RASGEF1A: variants seen among roughly 807,000 people sequenced by gnomAD.
The protein encoded by RASGEF1A is ras-GEF domain-containing family member 1A.
A neutral mutation model predicts 56.4 loss-of-function variants in RASGEF1A; 18 were observed. That is an observed-to-expected ratio of 0.32 (90% CI 0.22 to 0.47). RASGEF1A has a LOEUF of 0.47. Among genes scored for constraint, RASGEF1A ranks in the 20% least tolerant of loss-of-function variants. The pLI, the probability that RASGEF1A is intolerant of heterozygous loss-of-function variation, is 1.00. For missense variants in RASGEF1A, 422 were observed against 627.1 expected, an observed-to-expected ratio of 0.67 and a Z score of 3.49; for synonymous variants, 245 against 242.6, an observed-to-expected ratio of 1.01 and a Z score of -0.09.
chr10:43,209,265 C>T (rs542134651), intron 1 of RASGEF1A: 3 of 961,448 alleles, frequency 3.1e-6, no homozygotes, highest in Non-Finnish European at 3.7e-6. Flanking sequence ...CCAGTCACCC[C>T]CTATGCTCCC....
chr10:43,238,112 G>C (rs1840455879), intron 1 of RASGEF1A, among the ~76,000 whole-genome samples: 1 of 151,326 alleles, frequency 6.6e-6, no homozygotes, highest in Non-Finnish European at 1.5e-5. Context: ...GAGGGGGGGT[G>C]CTGCAGATTG....
At chr10:43,205,531 C>G (rs1254959) in intron 2 of RASGEF1A, among the ~76,000 whole-genome samples, 24,461 of 152,140 alleles carry the variant, frequency 0.16, 2,621 homozygotes, top group East Asian at 0.5. Flanking sequence ...GCTCCAGGAC[C>G]TCGGCTGGGC....
intron 1 of RASGEF1A, among the ~76,000 whole-genome samples, chr10:43,243,895 C>T (rs12254071): frequency 0.17 from 25,359 of 152,130 alleles, 2,722 homozygotes; most frequent in East Asian, 0.51. Context: ...GAAGAGACAG[C>T]GACCATCGAG....
At chr10:43,228,076 T>C (rs1840306019) in intron 1 of RASGEF1A, among the ~76,000 whole-genome samples, 2 of 151,988 alleles carry the variant, frequency 1.3e-5, no homozygotes, top group South Asian at 4.2e-4. Flanking sequence ...CACCTCCCAC[T>C]GCAGCCCCGT....
chr10:43,252,974 C>T (rs2505509), intron 1 of RASGEF1A, among the ~76,000 whole-genome samples: 42,448 of 152,106 alleles, frequency 0.28, 6,734 homozygotes, highest in Non-Finnish European at 0.35. Context: ...CACAGAGCAC[C>T]GCACCCCACG....
chr10:43,263,512 C>T (rs1474824524), intron 1 of RASGEF1A, among the ~76,000 whole-genome samples: 1 of 152,194 alleles, frequency 6.6e-6, no homozygotes, highest in African/African-American at 2.4e-5. Flanking sequence ...GAAGTGCCCA[C>T]CCTGGGCTGT....
intron 1 of RASGEF1A, among the ~76,000 whole-genome samples, chr10:43,234,576 G>A (rs767053759): frequency 6.6e-6 from 1 of 152,184 alleles, no homozygotes; most frequent in African/African-American, 2.4e-5. Flanking sequence ...ATGAGGCTCA[G>A]CCCACAAGGC....
intron 6 of RASGEF1A, 148 bp downstream of exon 6, chr10:43,200,034 G>C (rs577857260): frequency 1.5e-6 from 1 of 679,952 alleles, no homozygotes; most frequent in East Asian, 2.7e-5. Flanking sequence ...GGTGCTAGGA[G>C]GTCCAGTGCC....
At chr10:43,225,657 C>T (rs1325017843) in intron 1 of RASGEF1A, among the ~76,000 whole-genome samples, 1 of 152,052 alleles carries the variant, frequency 6.6e-6, no homozygotes, top group African/African-American at 2.4e-5. Context: ...AACACGATGT[C>T]CACAGTGGGC....
intron 3 of RASGEF1A, chr10:43,202,684 C>T (rs1342966308): frequency 4.4e-6 from 2 of 455,386 alleles, no homozygotes; most frequent in African/African-American, 4.2e-5. Flanking sequence ...CTGCAGCTTT[C>T]TTCGCCCACG....
At chr10:43,266,362 C>T (rs564627389) in intron 1 of RASGEF1A, among the ~76,000 whole-genome samples, 3 of 152,190 alleles carry the variant, frequency 2.0e-5, no homozygotes, top group Non-Finnish European at 4.4e-5. Flanking sequence ...CCCAATTCCT[C>T]GCCAAACAGC....
rs1013007893 is a variant in RASGEF1A, at chr10:43,265,582, G to T, written c.-7+1263C>A. On this transcript the variant is annotated intron_variant, in intron 1 of 12. Coordinates refer to ENST00000395810, the MANE Select transcript of RASGEF1A (RefSeq NM_145313.4). ...CCCTGCTCCGGATCTCCCCTTCCTG[G>T]GCTGGGGTCCTGAGGTTCCAAAGCA... is the stretch of plus-strand genomic sequence containing the variant. Among the ~76,000 whole-genome samples the T allele has an allele frequency of 5.9e-5, 9 of 152,238 alleles. 1 individual carries two copies. The highest frequency in any genetic ancestry group is 5.2e-4 in the Admixed American group (8 of 15,292).
rs1233165969 is a variant in RASGEF1A, at chr10:43,200,793, C to A, written c.555G>T (p.Lys185Asn). Residue 185 changes from lysine (K) to asparagine (N), a missense_variant, in exon 5 of 13, where the codon AAG becomes AAT. Transcript: ENST00000395810. ...ARSQLQELRE[K>N]LRPPAVDKGP... ...CCTTGTCTACAGCCGGTGGCCGGAG[C>A]TTCTCTCGCAGTTCCTGGAGCTGGC... 6.2e-7 allele frequency: 1 copy of A among 1,613,818 alleles called. No individual in the cohort carries two copies.
chr10:43,196,996 G>A lies in RASGEF1A; in HGVS notation c.1328C>T (p.Ala443Val), dbSNP rs1319766359. 5.0e-6 allele frequency: 8 copies of A among 1,613,592 alleles called. No individual in the cohort carries two copies. The highest frequency in any genetic ancestry group is 3.3e-5 in the Admixed American group (2 of 60,010). ...DKKIQSYLLTAPIYSEEALFV... is the reference protein window; with the variant it reads ...DKKIQSYLLTVPIYSEEALFV... ...CTCACCTTCCTCGCTGTAGATGGGC[G>A]CCGTGAGCAGGTAACTCTGAATCTT... The change falls in exon 11 of 13, where the codon GCG (alanine) becomes GTG (valine). Residue 443 changes from alanine to valine, a missense_variant. Coordinates refer to ENST00000395810, the MANE Select transcript of RASGEF1A (RefSeq NM_145313.4). The surrounding 1 kb of genome is among the most constrained non-coding windows in gnomAD (Gnocchi z 4.6).
At chr10:43,200,913 T>C in intron 4 of RASGEF1A, 25 bp from the exon 5 acceptor site, 1 of 1,601,610 alleles carries the variant, frequency 6.2e-7, no homozygotes, top group Non-Finnish European at 8.5e-7. Context: ...GCAATAAGGG[T>C]GCCAGCATGG....
At chr10:43,242,089 G>C (rs71505667) in intron 1 of RASGEF1A, among the ~76,000 whole-genome samples, 31,874 of 152,128 alleles carry the variant, frequency 0.21, 3,509 homozygotes, top group Admixed American at 0.27. Context: ...AGTGAGCCAA[G>C]ACTGCGCCAC....
At chr10:43,234,676 C>A (rs1458506225) in intron 1 of RASGEF1A, among the ~76,000 whole-genome samples, 1 of 152,228 alleles carries the variant, frequency 6.6e-6, no homozygotes, top group Non-Finnish European at 1.5e-5. Flanking sequence ...GGCCACACCA[C>A]ACAGTCCAAG....
rs1224725343 is a variant in RASGEF1A at position 43,195,391 on chromosome 10, G to A, written c.*853C>T. The A allele has an allele frequency of 1.3e-5, 2 of 152,140 alleles. No homozygotes were observed. The highest frequency in any genetic ancestry group is 4.8e-5 in the African/African-American group (2 of 41,426). The allele number at this position is 152,140 out of a possible 1,614,324, so 9.4% of individuals were successfully genotyped here. On this transcript the variant is annotated 3_prime_UTR_variant, in exon 13 of 13. Coordinates refer to ENST00000395810, the MANE Select transcript of RASGEF1A (RefSeq NM_145313.4). This position sits in a 1 kb window ranked among gnomAD's most constrained non-coding sequence, Gnocchi z 4.2. ...CTGCCCTCCCCTCTGTAGATGATAG[G>A]TTTCAAGACTAGCTCTAAATGTCAC... is the stretch of plus-strand genomic sequence containing the variant.
chr10:43,230,451 T>C (rs953063478), intron 1 of RASGEF1A, among the ~76,000 whole-genome samples: 1 of 152,138 alleles, frequency 6.6e-6, no homozygotes, highest in African/African-American at 2.4e-5. Context: ...ATTCCTGTGG[T>C]GGACCCCACT....
Sources: allele counts gnomAD v4.1 joint callset (sites outside exome capture counted in the v4.1 genomes callset), GRCh38; gene constraint gnomAD v4.1.1; non-coding constraint Gnocchi (gnomAD v3.1); transcripts MANE v1.5; gene names NCBI Gene and HGNC (gene_info 2026-07-23, HGNC 2026-07-21).